The following GTF2H4 variants were observed in gnomAD, a reference collection of about 807,000 sequenced individuals.
GTF2H4 encodes the protein general transcription factor IIH subunit 4.
GTF2H4 carries 49 observed loss-of-function variants against 62.2 expected under a neutral mutation model. The ratio of observed to expected loss-of-function variants is 0.79; its 90% CI spans 0.63 to 1.00. The LOEUF is 1.00. GTF2H4 is among the 50% of genes least tolerant of loss of function. The probability of loss-of-function intolerance (pLI) is 0.00; values close to 1 mark genes in which losing one functional copy is unlikely to be tolerated. For missense variants in GTF2H4, 479 were observed against 587.8 expected, an observed-to-expected ratio of 0.81 and a Z score of 1.91; for synonymous variants, 189 against 233.8, an observed-to-expected ratio of 0.81 and a Z score of 1.75.
In GTF2H4 at chr6:30,909,537, C is replaced by G; in HGVS notation, c.240C>G (p.Ser80Arg). ...AVALWVKKEF[S>R]KAQEESTGLL... Reference sequence around the variant, plus strand: ...CTCTGTGGGTAAAGAAGGAATTCAGCAAGTAAGTCTCAGCCAGATACAAAT... The same window carrying G: ...CTCTGTGGGTAAAGAAGGAATTCAGGAAGTAAGTCTCAGCCAGATACAAAT... The change falls in exon 3 of 14, where the codon AGC becomes AGG. Residue 80 changes from serine (S) to arginine (R), a missense_variant and splice_region_variant. Ser to Arg is a moderately radical substitution (Grantham distance 110). Coordinates refer to ENST00000259895, the MANE Select transcript of GTF2H4 (RefSeq NM_001517.5). The surrounding 1 kb of genome is among the most constrained non-coding windows in gnomAD (Gnocchi z 4.3). 1 of 1,586,942 alleles carries G rather than the reference C, an allele frequency of 6.3e-7. No homozygotes were observed. The highest frequency in any genetic ancestry group is 8.6e-7 in the Non-Finnish European group (1 of 1,156,502).
Position 30,911,840 on chromosome 6 carries a change from T to C in GTF2H4, c.825+73T>C, listed in dbSNP as rs577564147. 1.3e-5 allele frequency: 18 copies of C among 1,435,772 alleles called. No individual in the cohort carries two copies. In the Admixed American group the frequency reaches 2.4e-4, roughly 19 times the overall value. The allele number at this position is 1,435,772 out of a possible 1,614,324, so 88.9% of individuals were successfully genotyped here. On this transcript the variant is annotated intron_variant, in intron 9 of 13. Coordinates refer to ENST00000259895, the MANE Select transcript of GTF2H4 (RefSeq NM_001517.5). The surrounding 1 kb of genome is among the most constrained non-coding windows in gnomAD (Gnocchi z 4.3). Reference sequence around the variant, plus strand: ...TGTTGCCTTTGCCTTTAAAAAGGAGTGGGGTCTTGGGGCAGTAGCAGGAAG... The same window carrying C: ...TGTTGCCTTTGCCTTTAAAAAGGAGCGGGGTCTTGGGGCAGTAGCAGGAAG...
rs1793755473 is a variant in GTF2H4, at chr6:30,911,381, A to G, written c.673-50A>G. 6.4e-7 allele frequency: 1 copy of G among 1,562,778 alleles called. No individual in the cohort carries two copies. ...TTCTCTTCTCTGTCCCTTTCTTCCC[A>G]TTGTCTCCCTCCCATCCCTCCTCCT... On this transcript the variant is annotated intron_variant, in intron 7 of 13. Coordinates refer to ENST00000259895, the MANE Select transcript of GTF2H4 (RefSeq NM_001517.5). This position sits in a 1 kb window ranked among gnomAD's most constrained non-coding sequence, Gnocchi z 4.3.
At position 30,910,082 on chromosome 6, in the gene GTF2H4, T is replaced by G; in HGVS notation, c.374+19T>G. The G allele has an allele frequency of 6.2e-7, 1 of 1,610,346 alleles. No homozygotes were observed. The highest frequency in any genetic ancestry group is 8.5e-7 in the Non-Finnish European group (1 of 1,179,124). On this transcript the variant is annotated intron_variant, in intron 4 of 13. Transcript: ENST00000259895. The surrounding 1 kb of genome is among the most constrained non-coding windows in gnomAD (Gnocchi z 4.7). ...TGGGTGGGTATGTCACTTCTCTCTCTTCCTAAGCTAGGGCAGGGGAACTGC... is the reference window on the plus strand; with the variant it reads ...TGGGTGGGTATGTCACTTCTCTCTCGTCCTAAGCTAGGGCAGGGGAACTGC...
Position 30,913,270 on chromosome 6 carries a change from G to A in GTF2H4, c.1138-39G>A, listed in dbSNP as rs1232810724. 1 of 1,613,022 alleles carries A rather than the reference G, an allele frequency of 6.2e-7. No homozygotes were observed. The highest frequency in any genetic ancestry group is 1.7e-5 in the Admixed American group (1 of 59,952). On this transcript the variant is annotated intron_variant, in intron 12 of 13. Transcript: ENST00000259895. This position sits in a 1 kb window ranked among gnomAD's most constrained non-coding sequence, Gnocchi z 4.2. ...ACAGAGGGCCGGGTTGTCTGGGGCA[G>A]TATTCTGAGTCCCTACAGTCAACCC... is the stretch of plus-strand genomic sequence containing the variant.
rs1485838775 is a variant in GTF2H4 at position 30,910,124 on chromosome 6, A to G, written c.374+61A>G. 1 of 1,578,424 alleles carries G rather than the reference A, an allele frequency of 6.3e-7. No homozygotes were observed. The highest frequency in any genetic ancestry group is 8.6e-7 in the Non-Finnish European group (1 of 1,159,984). On this transcript the variant is annotated intron_variant, in intron 4 of 13. Transcript: ENST00000259895. The surrounding 1 kb of genome is among the most constrained non-coding windows in gnomAD (Gnocchi z 4.7). ...GGGAACTGCTGCTTATTAAACCACT[A>G]ATTAAACTTTGGGAGGGGGAGCTCC... is the stretch of plus-strand genomic sequence containing the variant.
In GTF2H4 at chr6:30,912,204, T is replaced by G. The variant is rs1460319081; in HGVS notation, c.958+58T>G. The G allele has an allele frequency of 1.3e-5, 21 of 1,605,944 alleles. No individual in the cohort carries two copies. Among genetic ancestry groups the G allele is most frequent in the Non-Finnish European group, 1.7e-5 (20 of 1,175,320 alleles). On this transcript the variant is annotated intron_variant, in intron 10 of 13. Transcript: ENST00000259895. This position sits in a 1 kb window ranked among gnomAD's most constrained non-coding sequence, Gnocchi z 4.8. ...GGTTGGGGGTGAGGGAATGCCAGTT[T>G]ATGTTCGTGTTTACCTGGCAGTCTA...
At position 30,910,723 on chromosome 6, in the gene GTF2H4, G is replaced by A. The variant is rs753972825; in HGVS notation, c.433G>A (p.Val145Ile). The change falls in exon 5 of 14, where the codon GTT becomes ATT. Residue 145 changes from valine (V) to isoleucine (I), a missense_variant. Coordinates refer to ENST00000259895, the MANE Select transcript of GTF2H4 (RefSeq NM_001517.5). The surrounding 1 kb of genome is among the most constrained non-coding windows in gnomAD (Gnocchi z 4.7). ...GGGACCAGACAAGCATGCCCGGGAC[G>A]TTCCCTCCCTTGACAAGTACGCCGA... ...QLGPDKHARD[V>I]PSLDKYAEER... is the part of the protein sequence containing the mutation. The A allele has an allele frequency of 2.5e-4, 410 of 1,612,892 alleles. 1 individual carries two copies. The highest frequency in any genetic ancestry group is 3.4e-4 in the Non-Finnish European group (396 of 1,179,994).
chr6:30,910,746 C>T lies in GTF2H4; in HGVS notation c.456C>T (p.Ala152=), dbSNP rs61748588. The T allele has an allele frequency of 3.7e-4, 602 of 1,612,600 alleles. 7 individuals carry two copies. In the East Asian group the frequency reaches 0.012, roughly 31 times the overall value. Residue 152 remains alanine (A), a synonymous_variant, in exon 5 of 14, where the codon GCC becomes GCT. Coordinates refer to ENST00000259895, the MANE Select transcript of GTF2H4 (RefSeq NM_001517.5). This position sits in a 1 kb window ranked among gnomAD's most constrained non-coding sequence, Gnocchi z 4.7. ...ARDVPSLDKY[A]EERWEVVLHF... is the part of the protein sequence containing the mutation. Reference sequence around the variant, plus strand: ...ACGTTCCCTCCCTTGACAAGTACGCCGAGGAGCGATGGGAGGTAAGCACTT... The same window carrying T: ...ACGTTCCCTCCCTTGACAAGTACGCTGAGGAGCGATGGGAGGTAAGCACTT...
chr6:30,909,288 G>A lies in GTF2H4; in HGVS notation c.137+115G>A. The A allele has an allele frequency of 7.3e-7, 1 of 1,361,862 alleles. No homozygotes were observed. Among genetic ancestry groups the A allele is most frequent in the Non-Finnish European group, 1.0e-6 (1 of 999,860 alleles). The allele number at this position is 1,361,862 out of a possible 1,614,324, so 84.4% of individuals were successfully genotyped here. On this transcript the variant is annotated intron_variant, in intron 2 of 13. Transcript: ENST00000259895. The surrounding 1 kb of genome is among the most constrained non-coding windows in gnomAD (Gnocchi z 4.3). Reference sequence around the variant, plus strand: ...GGGTGGGGACTGGGGGCAAGGGTTGGAAATTGCTCTAAAGTGTGGAGGCCA... The same window carrying A: ...GGGTGGGGACTGGGGGCAAGGGTTGAAAATTGCTCTAAAGTGTGGAGGCCA...
Position 30,912,518 on chromosome 6 carries a change from A to G in GTF2H4, c.1089+60A>G. ...AGGCTGCACTTGGGCTGCGGGGGAC[A>G]GGGGTCACATTATGGAAGGCTAGCT... is the stretch of plus-strand genomic sequence containing the variant. On this transcript the variant is annotated intron_variant, in intron 11 of 13. Transcript: ENST00000259895. The surrounding 1 kb of genome is among the most constrained non-coding windows in gnomAD (Gnocchi z 4.8). 6.3e-7 allele frequency: 1 copy of G among 1,598,866 alleles called. No homozygotes were observed. Among genetic ancestry groups the G allele is most frequent in the East Asian group, 2.2e-5 (1 of 44,822 alleles).
Position 30,913,241 on chromosome 6 carries a change from A to T in GTF2H4, c.1138-68A>T. 2 of 1,612,272 alleles carry T rather than the reference A, an allele frequency of 1.2e-6. No homozygotes were observed. Among genetic ancestry groups the T allele is most frequent in the Non-Finnish European group, 1.7e-6 (2 of 1,178,554 alleles). On this transcript the variant is annotated intron_variant, in intron 12 of 13. Coordinates refer to ENST00000259895, the MANE Select transcript of GTF2H4 (RefSeq NM_001517.5). The surrounding 1 kb of genome is among the most constrained non-coding windows in gnomAD (Gnocchi z 4.2). ...AAAAAGGGGCATCCAAATCTGGGGAAGAAACAGAGGGCCGGGTTGTCTGGG... is the reference window on the plus strand; with the variant it reads ...AAAAAGGGGCATCCAAATCTGGGGATGAAACAGAGGGCCGGGTTGTCTGGG...
chr6:30,911,835 A>G lies in GTF2H4; in HGVS notation c.825+68A>G, dbSNP rs1315673362. ...TGGTGTGTTGCCTTTGCCTTTAAAAAGGAGTGGGGTCTTGGGGCAGTAGCA... is the reference window on the plus strand; with the variant it reads ...TGGTGTGTTGCCTTTGCCTTTAAAAGGGAGTGGGGTCTTGGGGCAGTAGCA... On this transcript the variant is annotated intron_variant, in intron 9 of 13. Coordinates refer to ENST00000259895, the MANE Select transcript of GTF2H4 (RefSeq NM_001517.5). This position sits in a 1 kb window ranked among gnomAD's most constrained non-coding sequence, Gnocchi z 4.3. 6 of 1,475,898 alleles carry G rather than the reference A, an allele frequency of 4.1e-6. No individual in the cohort carries two copies. The African/African-American group carries it at 5.5e-5, about 14-fold the overall frequency. The allele number at this position is 1,475,898 out of a possible 1,614,324, so 91.4% of individuals were successfully genotyped here.
At position 30,913,080 on chromosome 6, in the gene GTF2H4, C is replaced by T; in HGVS notation, c.1090-30C>T. The T allele has an allele frequency of 6.2e-7, 1 of 1,612,296 alleles. No individual in the cohort carries two copies. The highest frequency in any genetic ancestry group is 8.5e-7 in the Non-Finnish European group (1 of 1,178,724). Reference sequence around the variant, plus strand: ...TGGCTTTCCTGCCTTCTTGCTGGAGCCCTCATGCCATTCTTGTCTGTTTTC... The same window carrying T: ...TGGCTTTCCTGCCTTCTTGCTGGAGTCCTCATGCCATTCTTGTCTGTTTTC... On this transcript the variant is annotated intron_variant, in intron 11 of 13. Coordinates refer to ENST00000259895, the MANE Select transcript of GTF2H4 (RefSeq NM_001517.5). The surrounding 1 kb of genome is among the most constrained non-coding windows in gnomAD (Gnocchi z 4.2).
chr6:30,909,507 T>C lies in GTF2H4; in HGVS notation c.210T>C (p.Ala70=). 1 of 1,611,046 alleles carries C rather than the reference T, an allele frequency of 6.2e-7. No homozygotes were observed. The highest frequency in any genetic ancestry group is 8.5e-7 in the Non-Finnish European group (1 of 1,178,196). The change falls in exon 3 of 14, where the codon GCT becomes GCC. Residue 70 remains alanine (A), a synonymous_variant. Transcript: ENST00000259895. The surrounding 1 kb of genome is among the most constrained non-coding windows in gnomAD (Gnocchi z 4.3). ...LFLEQPLPQA[A]VALWVKKEFS... The stretch of plus-strand genomic sequence containing the variant: ...TGGAGCAGCCTTTGCCACAGGCTGC[T>C]GTAGCTCTGTGGGTAAAGAAGGAAT...
Position 30,913,258 on chromosome 6 carries a change from T to C in GTF2H4, c.1138-51T>C. The C allele has an allele frequency of 6.2e-7, 1 of 1,612,100 alleles. No individual in the cohort carries two copies. The highest frequency in any genetic ancestry group is 1.1e-5 in the South Asian group (1 of 90,988). On this transcript the variant is annotated intron_variant, in intron 12 of 13. Coordinates refer to ENST00000259895, the MANE Select transcript of GTF2H4 (RefSeq NM_001517.5). This position sits in a 1 kb window ranked among gnomAD's most constrained non-coding sequence, Gnocchi z 4.2. ...TCTGGGGAAGAAACAGAGGGCCGGG[T>C]TGTCTGGGGCAGTATTCTGAGTCCC...
chr6:30,908,531 T>A (rs1179561883), intron 1 of GTF2H4, 128 bp downstream of exon 1: 1 of 196,892 alleles, frequency 5.1e-6, no homozygotes, highest in Non-Finnish European at 1.1e-5. Flanking sequence ...GTGAATGACG[T>A]GAAGTAGACT....
In GTF2H4 at chr6:30,913,994, C is replaced by T; in HGVS notation, c.*11C>T. 1.4e-6 allele frequency: 2 copies of T among 1,402,116 alleles called. No homozygotes were observed. Among genetic ancestry groups the T allele is most frequent in the Non-Finnish European group, 2.0e-6 (2 of 1,009,534 alleles). 86.9% of individuals were successfully genotyped at this position (1,402,116 alleles called of 1,614,324 possible). A position where few individuals can be genotyped will look rare whatever the true frequency, so the allele number is the denominator to read the frequency against. On this transcript the variant is annotated 3_prime_UTR_variant, in exon 14 of 14. Transcript: ENST00000259895. The surrounding 1 kb of genome is among the most constrained non-coding windows in gnomAD (Gnocchi z 4.2). ...AAACATAGCTCCTGAGAGCGCGGGACTTGGACACGGACCTCGGCGGGCGGG... is the reference window on the plus strand; with the variant it reads ...AAACATAGCTCCTGAGAGCGCGGGATTTGGACACGGACCTCGGCGGGCGGG...
At position 30,913,205 on chromosome 6, in the gene GTF2H4, T is replaced by G. The variant is rs769018408; in HGVS notation, c.1137+48T>G. 1.9e-6 allele frequency: 3 copies of G among 1,613,348 alleles called. No homozygotes were observed. The highest frequency in any genetic ancestry group is 2.5e-6 in the Non-Finnish European group (3 of 1,179,520). ...CAGAGGCTGGCAGCTGGTGATGACA[T>G]GATGGAAAAGAAAAAGGGGCATCCA... On this transcript the variant is annotated intron_variant, in intron 12 of 13. Transcript: ENST00000259895. This position sits in a 1 kb window ranked among gnomAD's most constrained non-coding sequence, Gnocchi z 4.2.
rs1793693865 is a variant in GTF2H4 at position 30,909,919 on chromosome 6, G to C, written c.243-13G>C. The C allele has an allele frequency of 6.2e-7, 1 of 1,607,570 alleles. No individual in the cohort carries two copies. Among genetic ancestry groups the C allele is most frequent in the Non-Finnish European group, 8.5e-7 (1 of 1,178,428 alleles). On this transcript the variant is annotated splice_polypyrimidine_tract_variant and intron_variant, in intron 3 of 13. Transcript: ENST00000259895. The surrounding 1 kb of genome is among the most constrained non-coding windows in gnomAD (Gnocchi z 4.3). ...TTCCAAATACCCTACTCACCTCTCTGCTTCTGTTCCAGGGCTCAGGAGGAA... is the reference window on the plus strand; with the variant it reads ...TTCCAAATACCCTACTCACCTCTCTCCTTCTGTTCCAGGGCTCAGGAGGAA...
Sources: gnomAD v4.1 joint callset for allele counts on GRCh38, gnomAD v4.1.1 for gene constraint, Gnocchi (gnomAD v3.1) non-coding constraint, MANE v1.5 for transcripts, NCBI Gene and HGNC (gene_info 2026-07-23, HGNC 2026-07-21) for gene names.